The following PTPRD variants were observed in gnomAD, a reference collection of about 807,000 sequenced individuals.
The protein encoded by PTPRD is protein tyrosine phosphatase receptor type D, also known as receptor-type tyrosine-protein phosphatase delta.
A neutral mutation model predicts 214.5 loss-of-function variants in PTPRD; 34 were observed. That is an observed-to-expected ratio of 0.16 (90% CI 0.12 to 0.21). The LOEUF (loss-of-function observed/expected upper bound fraction) is 0.21, where lower values mean the gene tolerates loss of function less well. Ranked by LOEUF, PTPRD falls within the 10% of genes least tolerant of loss-of-function variation. The pLI is 1.00. For synonymous variants in PTPRD, 1,128 were observed against 845.7 expected, an observed-to-expected ratio of 1.33 and a Z score of -5.79; for missense variants, 2,545 against 2,398.7, an observed-to-expected ratio of 1.06 and a Z score of -1.27.
At chr9:10,051,207 A>G (rs1259621245) in intron 3 of PTPRD, among the ~76,000 whole-genome samples, 1 of 152,158 alleles carries the variant, frequency 6.6e-6, no homozygotes, top group Non-Finnish European at 1.5e-5. Flanking sequence ...GAAAAAGAAA[A>G]GAATATCCAT....
intron 2 of PTPRD, among the ~76,000 whole-genome samples, chr9:10,508,902 C>T: frequency 6.6e-6 from 1 of 151,912 alleles, no homozygotes; most frequent in Non-Finnish European, 1.5e-5. Flanking sequence ...ATGTAACAAA[C>T]CTGCACTTTG....
At chr9:8,868,870 G>A (rs994377152) in intron 11 of PTPRD, among the ~76,000 whole-genome samples, 2 of 152,082 alleles carry the variant, frequency 1.3e-5, no homozygotes, top group East Asian at 1.9e-4. Context: ...TGTGAACTAT[G>A]CACTATCAAG....
chr9:9,654,548 A>C (rs1235298415), intron 7 of PTPRD, among the ~76,000 whole-genome samples: 1 of 152,166 alleles, frequency 6.6e-6, no homozygotes, highest in Non-Finnish European at 1.5e-5. Flanking sequence ...TGTGGAAATA[A>C]ACAAAACAGC....
intron 7 of PTPRD, among the ~76,000 whole-genome samples, chr9:9,649,298 G>C (rs543810550): frequency 4.5e-4 from 69 of 152,250 alleles, no homozygotes; most frequent in African/African-American, 1.3e-3. Flanking sequence ...CAAAGGCACA[G>C]AAATCCCTTC....
chr9:9,958,418 C>G (rs912239085), intron 4 of PTPRD, among the ~76,000 whole-genome samples: 1 of 152,062 alleles, frequency 6.6e-6, no homozygotes, highest in African/African-American at 2.4e-5. Flanking sequence ...GTAATACCAG[C>G]TACTAGGGAG....
chr9:9,155,315 G>C (rs74792911), intron 10 of PTPRD, among the ~76,000 whole-genome samples: 99 of 152,142 alleles, frequency 6.5e-4, no homozygotes, highest in African/African-American at 2.3e-3. Flanking sequence ...TCAATATTAT[G>C]AATAAGCATA....
chr9:10,274,276 A>G (rs951445979), intron 3 of PTPRD, among the ~76,000 whole-genome samples: 1 of 152,168 alleles, frequency 6.6e-6, no homozygotes, highest in African/African-American at 2.4e-5. Context: ...GGGAGAAATG[A>G]AAACAGATTG....
At chr9:10,364,069 G>A (rs1480620561) in intron 2 of PTPRD, among the ~76,000 whole-genome samples, 3 of 132,022 alleles carry the variant, frequency 2.3e-5, no homozygotes, top group Admixed American at 9.0e-5. Flanking sequence ...ACGTGATCTC[G>A]GCTCACTACA....
At position 9,321,622 on chromosome 9, in the gene PTPRD, C is replaced by T. The variant is rs117924721; in HGVS notation, c.-203+75827G>A. Among the ~76,000 whole-genome samples, 19 of 151,186 alleles carry T rather than the reference C, an allele frequency of 1.3e-4. No homozygotes were observed. The East Asian group carries it at 2.2e-3, about 17-fold the overall frequency. On this transcript the variant is annotated intron_variant, in intron 9 of 45. Transcript: ENST00000381196. ...GCATATCTGATTTTTCCATAAAACA[C>T]ATTCTAAGAAGTTATAGTAATTAAA...
rs144487563 is a variant in PTPRD at position 8,435,586 on chromosome 9, C to T, written c.4086+1006G>A. ...AAACTGGTCTAGAAAAAACAATTATCGTCCAGTTATCAACAATGCATTAAT... is the reference window on the plus strand; with the variant it reads ...AAACTGGTCTAGAAAAAACAATTATTGTCCAGTTATCAACAATGCATTAAT... On this transcript the variant is annotated intron_variant, in intron 35 of 45. Transcript: ENST00000381196. Among the ~76,000 whole-genome samples, 425 of 152,202 alleles carry T rather than the reference C, an allele frequency of 2.8e-3. 2 individuals carry two copies. The highest frequency in any genetic ancestry group is 9.8e-3 in the African/African-American group (409 of 41,528).
intron 9 of PTPRD, among the ~76,000 whole-genome samples, chr9:9,367,527 T>C (rs2139479447): frequency 6.6e-6 from 1 of 151,762 alleles, no homozygotes; most frequent in South Asian, 2.1e-4. Flanking sequence ...TGGATGTTTT[T>C]CCAGGTACAG....
At chr9:8,585,896 C>T (rs1407501940) in intron 14 of PTPRD, among the ~76,000 whole-genome samples, 1 of 152,130 alleles carries the variant, frequency 6.6e-6, no homozygotes, top group Non-Finnish European at 1.5e-5. Context: ...CTCATAAATC[C>T]ACTTGTCCTC....
chr9:9,213,706 T>C (rs946968212), intron 9 of PTPRD, among the ~76,000 whole-genome samples: 2 of 152,164 alleles, frequency 1.3e-5, no homozygotes, highest in Admixed American at 6.5e-5. Context: ...TAAGTTCACA[T>C]TCACATGAGA....
rs1260425377 is a variant in PTPRD, at chr9:9,947,499, A to G, written c.-471-8889T>C. On this transcript the variant is annotated intron_variant, in intron 4 of 45. Coordinates refer to ENST00000381196, the MANE Select transcript of PTPRD (RefSeq NM_002839.4). ...TATATATTTTATATATATTATATAT[A>G]TTTTATATATATAATATATATATTA... Among the ~76,000 whole-genome samples the G allele has an allele frequency of 1.0e-4, 3 of 29,944 alleles. 1 individual carries two copies. The highest frequency in any genetic ancestry group is 1.6e-4 in the Non-Finnish European group (3 of 18,626). 19.6% of individuals were successfully genotyped at this position (29,944 alleles called of 152,430 possible). A position where few individuals can be genotyped will look rare whatever the true frequency, so the allele number is the denominator to read the frequency against.
At chr9:10,489,876 G>C (rs921130029) in intron 2 of PTPRD, among the ~76,000 whole-genome samples, 1 of 152,158 alleles carries the variant, frequency 6.6e-6, no homozygotes, top group African/African-American at 2.4e-5. Flanking sequence ...GCTGGGGAAT[G>C]GGGGAGGGAT....
At chr9:10,225,269 A>C (rs1020719488) in intron 3 of PTPRD, among the ~76,000 whole-genome samples, 3 of 152,064 alleles carry the variant, frequency 2.0e-5, no homozygotes, top group Admixed American at 6.6e-5. Flanking sequence ...TGGTTACTAT[A>C]ATCACAAATG....
At chr9:9,727,973 T>A (rs764881230) in intron 7 of PTPRD, among the ~76,000 whole-genome samples, 1 of 152,264 alleles carries the variant, frequency 6.6e-6, no homozygotes, top group Non-Finnish European at 1.5e-5. Flanking sequence ...ATAATTCCCA[T>A]GTGTTGTGAG....
intron 7 of PTPRD, among the ~76,000 whole-genome samples, chr9:9,583,738 T>C (rs1194257279): frequency 6.6e-6 from 1 of 152,050 alleles, no homozygotes; most frequent in Non-Finnish European, 1.5e-5. Context: ...TATGGCAACA[T>C]TCATTTTCAT....
chr9:8,376,261 T>C (rs978769131), intron 38 of PTPRD, among the ~76,000 whole-genome samples, 171 bp from the exon 39 acceptor site: 4 of 152,070 alleles, frequency 2.6e-5, no homozygotes, highest in African/African-American at 9.7e-5. Context: ...TATTTGTAAA[T>C]GACAAATATT....
Sources: allele counts gnomAD v4.1 joint callset (sites outside exome capture counted in the v4.1 genomes callset), GRCh38; gene constraint gnomAD v4.1.1; transcripts MANE v1.5; gene names NCBI Gene and HGNC (gene_info 2026-07-23, HGNC 2026-07-21).